Variants in KBTBD11 observed in about 807,000 individuals in gnomAD.
KBTBD11 encodes the protein kelch repeat and BTB domain-containing protein 11.
For missense variants in KBTBD11, 1,390 were observed against 1,001.8 expected (o/e 1.39, Z -5.23); for synonymous variants, 747 against 499.0 (o/e 1.50, Z -6.63).
At chr8:1,981,593 C>G (rs188994290) in intron 1 of KBTBD11, among the ~76,000 whole-genome samples, 64 of 152,290 alleles carry the variant, frequency 4.2e-4, no homozygotes, top group Non-Finnish European at 5.7e-4. Flanking sequence ...AAGAGATTGG[C>G]ATTTGAACCA....
At chr8:1,978,154 G>A (rs1022097451) in intron 1 of KBTBD11, among the ~76,000 whole-genome samples, 2 of 152,290 alleles carry the variant, frequency 1.3e-5, no homozygotes, top group South Asian at 2.1e-4. Flanking sequence ...CTCTCCCTCC[G>A]CCGCCCTCTA....
rs972018939 is a variant in KBTBD11, at chr8:2,003,141, G to A, written c.*77G>A. The A allele has an allele frequency of 4.8e-6, 6 of 1,247,548 alleles. No homozygotes were observed. The highest frequency in any genetic ancestry group is 5.1e-6 in the Non-Finnish European group (5 of 988,690). The allele number at this position is 1,247,548 out of a possible 1,614,324, so 77.3% of individuals were successfully genotyped here. A position where few individuals can be genotyped will look rare whatever the true frequency, so the allele number is the denominator to read the frequency against. ...TCCCTTTGGGCCCGCGGAGGAGGAC[G>A]TGGTGGGGAGTCGGGGCCGCTGGCC... On this transcript the variant is annotated 3_prime_UTR_variant, in exon 2 of 2. Coordinates refer to ENST00000320248, the MANE Select transcript of KBTBD11 (RefSeq NM_014867.3).
At position 1,973,929 on chromosome 8, in the gene KBTBD11, C is replaced by T. The variant is rs1816212443; in HGVS notation, c.-915C>T. 6 of 981,606 alleles carry T rather than the reference C, an allele frequency of 6.1e-6. No individual in the cohort carries two copies. Among genetic ancestry groups the T allele is most frequent in the Non-Finnish European group, 7.2e-6 (6 of 828,192 alleles). The allele number at this position is 981,606 out of a possible 1,614,324, so 60.8% of individuals were successfully genotyped here. On this transcript the variant is annotated 5_prime_UTR_variant, in exon 1 of 2. Coordinates refer to ENST00000320248, the MANE Select transcript of KBTBD11 (RefSeq NM_014867.3). ...GGGCCCGGCGGCTGAAGAGGAGCCG[C>T]GGCGAGGTAGGGCGGACCCCGGGGA... is the stretch of plus-strand genomic sequence containing the variant.
Position 1,984,438 on chromosome 8 carries a change from G to A in KBTBD11, c.-909+10503G>A, listed in dbSNP as rs982924636. Reference sequence around the variant, plus strand: ...CAAGTAGCTGGGACAACAGCTGCCCGCACCACACCTGGCTAATTTTTTGTG... The same window carrying A: ...CAAGTAGCTGGGACAACAGCTGCCCACACCACACCTGGCTAATTTTTTGTG... On this transcript the variant is annotated intron_variant, in intron 1 of 1. Coordinates refer to ENST00000320248, the MANE Select transcript of KBTBD11 (RefSeq NM_014867.3). 7.2e-5 allele frequency among the ~76,000 whole-genome samples: 11 copies of A among 151,776 alleles called. No individual in the cohort carries two copies. The East Asian group carries it at 1.4e-3, about 19-fold the overall frequency.
At chr8:1,988,095 T>A (rs541078052) in intron 1 of KBTBD11, among the ~76,000 whole-genome samples, 25 of 152,326 alleles carry the variant, frequency 1.6e-4, no homozygotes, top group African/African-American at 5.8e-4. Context: ...TATTCCATGG[T>A]GTATATGTGC....
chr8:1,985,711 G>A (rs1273034336), intron 1 of KBTBD11, among the ~76,000 whole-genome samples: 1 of 152,212 alleles, frequency 6.6e-6, no homozygotes, highest in African/African-American at 2.4e-5. Flanking sequence ...GTGAATCTCA[G>A]CGCTTTGGGA....
At chr8:1,988,835 A>C (rs1471789325) in intron 1 of KBTBD11, among the ~76,000 whole-genome samples, 1 of 150,658 alleles carries the variant, frequency 6.6e-6, no homozygotes, top group Non-Finnish European at 1.5e-5. Context: ...CTGCTAAGTA[A>C]ATGAGCAAAT....
At chr8:1,980,965 C>T (rs1816521712) in intron 1 of KBTBD11, among the ~76,000 whole-genome samples, 1 of 152,196 alleles carries the variant, frequency 6.6e-6, no homozygotes. Flanking sequence ...TTCTTCTCAG[C>T]TTGTTTCATA....
At chr8:1,999,573 C>T (rs1817266742) in intron 1 of KBTBD11, among the ~76,000 whole-genome samples, 1 of 152,236 alleles carries the variant, frequency 6.6e-6, no homozygotes, top group African/African-American at 2.4e-5. Flanking sequence ...TGCCGGCACT[C>T]ATATCTGCCT....
intron 1 of KBTBD11, among the ~76,000 whole-genome samples, chr8:1,981,951 A>T (rs1816553809): frequency 2.6e-5 from 4 of 152,098 alleles, no homozygotes; most frequent in Admixed American, 2.6e-4. Flanking sequence ...CAGCCTCAAT[A>T]ACTGTGTGAG....
Position 2,002,125 on chromosome 8 carries a change from G to C in KBTBD11, c.933G>C (p.Arg311=). The change falls in exon 2 of 2, where the codon CGG becomes CGC. Residue 311 remains arginine, a synonymous_variant. Coordinates refer to ENST00000320248, the MANE Select transcript of KBTBD11 (RefSeq NM_014867.3). This position sits in a 1 kb window ranked among gnomAD's most constrained non-coding sequence, Gnocchi z 4.1. ...LGPAGERAGS[R]PQSPSGDADA... ...CGGCGGGGGAGCGCGCGGGCAGCCG[G>C]CCTCAGAGCCCCTCGGGGGACGCGG... 1 of 1,123,862 alleles carries C rather than the reference G, an allele frequency of 8.9e-7. No homozygotes were observed. The highest frequency in any genetic ancestry group is 1.1e-6 in the Non-Finnish European group (1 of 921,312). 69.6% of individuals were successfully genotyped at this position (1,123,862 alleles called of 1,614,324 possible). A position where few individuals can be genotyped will look rare whatever the true frequency, so the allele number is the denominator to read the frequency against.
intron 1 of KBTBD11, among the ~76,000 whole-genome samples, chr8:1,999,026 C>T (rs1817248100): frequency 6.6e-6 from 1 of 152,208 alleles, no homozygotes; most frequent in Non-Finnish European, 1.5e-5. Context: ...CTGTGACCTA[C>T]CCTGGGGATC....
intron 1 of KBTBD11, among the ~76,000 whole-genome samples, chr8:1,992,662 A>G (rs1230494359): frequency 2.6e-5 from 4 of 151,862 alleles, no homozygotes; most frequent in South Asian, 4.1e-4. Context: ...TTTTCTTTCT[A>G]TATCTTAAGA....
chr8:1,990,931 GAT>G lies in KBTBD11; in HGVS notation c.-908-9353_-908-9352del. ...GGGGCCTTGGCGCCCTGTCCGGGTA[GAT>G]GCTGCGGGGCCTTGGCGCCCTGTCC... On this transcript the variant is annotated intron_variant, in intron 1 of 1. Coordinates refer to ENST00000320248, the MANE Select transcript of KBTBD11 (RefSeq NM_014867.3). Among the ~76,000 whole-genome samples, 5 of 4,380 alleles carry G rather than the reference GAT, an allele frequency of 1.1e-3. 2 individuals carry two copies. Among genetic ancestry groups the G allele is most frequent in the African/African-American group, 5.9e-3 (3 of 510 alleles). The allele number at this position is 4,380 out of a possible 152,430, so 2.9% of individuals were successfully genotyped here. A position where few individuals can be genotyped will look rare whatever the true frequency, so the allele number is the denominator to read the frequency against.
intron 1 of KBTBD11, chr8:1,974,577 C>T (rs1047268735): frequency 2.0e-6 from 2 of 985,022 alleles, no homozygotes; most frequent in Non-Finnish European, 1.2e-6. Context: ...TGGCTGCTGA[C>T]CCCCGCGAGC....
intron 1 of KBTBD11, among the ~76,000 whole-genome samples, chr8:1,982,147 GTTAT>G (rs1303344524): frequency 6.6e-6 from 1 of 152,164 alleles, no homozygotes; most frequent in African/African-American, 2.4e-5. Context: ...AAAGTATAGA[GTTAT>G]TTTATTGAAT....
chr8:1,982,088 C>G (rs1175457039), intron 1 of KBTBD11, among the ~76,000 whole-genome samples: 1 of 152,172 alleles, frequency 6.6e-6, no homozygotes, highest in Non-Finnish European at 1.5e-5. Context: ...GCACAAAAAG[C>G]TGTCATTTGT....
At chr8:1,979,179 G>A (rs912671934) in intron 1 of KBTBD11, among the ~76,000 whole-genome samples, 1 of 152,216 alleles carries the variant, frequency 6.6e-6, no homozygotes, top group African/African-American at 2.4e-5. Flanking sequence ...AGGCCGGCAG[G>A]CTGGATAGCC....
Position 2,003,093 on chromosome 8 carries a change from G to A in KBTBD11, c.*29G>A, listed in dbSNP as rs1393406560. 2.2e-5 allele frequency: 28 copies of A among 1,258,520 alleles called. No homozygotes were observed. Among genetic ancestry groups the A allele is most frequent in the Non-Finnish European group, 2.5e-5 (25 of 998,050 alleles). The allele number at this position is 1,258,520 out of a possible 1,614,324, so 78.0% of individuals were successfully genotyped here. On this transcript the variant is annotated 3_prime_UTR_variant, in exon 2 of 2. Coordinates refer to ENST00000320248, the MANE Select transcript of KBTBD11 (RefSeq NM_014867.3). ...GGCGGGGTCGGCGGGCGTCTCCCTC[G>A]GCAGGGGTTTGCGGGGCCCAGGTCC...
Sources: gnomAD v4.1 joint callset for allele counts (sites outside exome capture counted in the v4.1 genomes callset) on GRCh38, gnomAD v4.1.1 for gene constraint, Gnocchi (gnomAD v3.1) non-coding constraint, MANE v1.5 for transcripts, NCBI Gene and HGNC (gene_info 2026-07-23, HGNC 2026-07-21) for gene names.